The following MEOX2 variants were observed in gnomAD, a reference collection of about 807,000 sequenced individuals.
MEOX2 encodes homeobox protein MOX-2.
Under a neutral mutation model 27.0 loss-of-function variants are expected in MEOX2, and 11 were observed. The observed-to-expected ratio is 0.41, with a 90% CI of 0.26 to 0.68. MEOX2 has a LOEUF of 0.68. Among genes scored for constraint, MEOX2 ranks in the 30% least tolerant of loss-of-function variants. MEOX2 has a pLI of 0.33. For missense variants in MEOX2, 436 were observed against 385.4 expected, an observed-to-expected ratio of 1.13 and a Z score of -1.10; for synonymous variants, 189 against 155.4, an observed-to-expected ratio of 1.22 and a Z score of -1.61.
chr7:15,621,873 C>G (rs186859922), intron 2 of MEOX2, among the ~76,000 whole-genome samples: 2 of 152,296 alleles, frequency 1.3e-5, no homozygotes, highest in African/African-American at 4.8e-5. Flanking sequence ...AATCTCAGCA[C>G]TTTGGGAGGC....
At chr7:15,663,333 A>G (rs1781945584) in intron 1 of MEOX2, among the ~76,000 whole-genome samples, 2 of 151,612 alleles carry the variant, frequency 1.3e-5, no homozygotes, top group South Asian at 4.2e-4. Context: ...TTCTGTAGTA[A>G]TCTTTTTTTT....
At chr7:15,663,103 C>G (rs764301004) in intron 1 of MEOX2, among the ~76,000 whole-genome samples, 98 of 152,246 alleles carry the variant, frequency 6.4e-4, no homozygotes, top group Non-Finnish European at 1.0e-3. Context: ...ACTAGCGTCC[C>G]TACTGAAGTT....
intron 1 of MEOX2, among the ~76,000 whole-genome samples, chr7:15,683,669 G>T (rs942421800): frequency 6.6e-6 from 1 of 152,056 alleles, no homozygotes; most frequent in Non-Finnish European, 1.5e-5. Flanking sequence ...TATACCTTCA[G>T]CTGAAATTGG....
At chr7:15,645,322 G>C (rs891254201) in intron 1 of MEOX2, among the ~76,000 whole-genome samples, 6 of 152,186 alleles carry the variant, frequency 3.9e-5, no homozygotes, top group Non-Finnish European at 1.5e-5. Flanking sequence ...TTTTAATCAT[G>C]TGCATTACAT....
chr7:15,664,496 C>T (rs891617854), intron 1 of MEOX2, among the ~76,000 whole-genome samples: 5 of 152,244 alleles, frequency 3.3e-5, no homozygotes, highest in Non-Finnish European at 7.4e-5. Context: ...ACAACAAAAA[C>T]TCTCAGCAAT....
chr7:15,629,052 C>G (rs866936126), intron 1 of MEOX2, among the ~76,000 whole-genome samples: 3 of 152,150 alleles, frequency 2.0e-5, no homozygotes, highest in Middle Eastern at 6.8e-3. Flanking sequence ...TGGAAACTGA[C>G]AGTAAAGCCA....
At chr7:15,673,436 G>C (rs1374871078) in intron 1 of MEOX2, among the ~76,000 whole-genome samples, 3 of 151,906 alleles carry the variant, frequency 2.0e-5, no homozygotes, top group African/African-American at 7.3e-5. Flanking sequence ...AAATCTGGCA[G>C]GCGTCATAGA....
At chr7:15,626,715 A>G in intron 2 of MEOX2, 31 bp downstream of exon 2, 3 of 1,548,218 alleles carry the variant, frequency 1.9e-6, no homozygotes, top group Non-Finnish European at 2.7e-6. Flanking sequence ...GCAATTAAAA[A>G]AGATCATATA....
chr7:15,645,571 A>C (rs959136704), intron 1 of MEOX2, among the ~76,000 whole-genome samples: 5 of 152,172 alleles, frequency 3.3e-5, no homozygotes, highest in Non-Finnish European at 5.9e-5. Flanking sequence ...GAAATTACTT[A>C]AGGAATTTAC....
intron 2 of MEOX2, among the ~76,000 whole-genome samples, chr7:15,619,096 T>C (rs946773206): frequency 1.3e-5 from 2 of 152,034 alleles, no homozygotes; most frequent in African/African-American, 4.8e-5. Flanking sequence ...GGGTTTATTA[T>C]TGTATAGATG....
intron 1 of MEOX2, among the ~76,000 whole-genome samples, chr7:15,668,921 G>A (rs1326090502): frequency 6.6e-6 from 1 of 152,162 alleles, no homozygotes; most frequent in Non-Finnish European, 1.5e-5. Context: ...TAATAGGGAT[G>A]CTATACATAC....
At chr7:15,641,841 G>GA (rs1157185052) in intron 1 of MEOX2, among the ~76,000 whole-genome samples, 7 of 151,832 alleles carry the variant, frequency 4.6e-5, no homozygotes, top group Non-Finnish European at 8.8e-5. Flanking sequence ...TTGCTTGTTT[G>GA]AAAAAAATAT....
At chr7:15,637,095 T>C (rs1017600014) in intron 1 of MEOX2, among the ~76,000 whole-genome samples, 1 of 152,120 alleles carries the variant, frequency 6.6e-6, no homozygotes, top group Non-Finnish European at 1.5e-5. Flanking sequence ...GGGTAAATTA[T>C]ACTAGGAAAA....
At chr7:15,621,803 G>A (rs1307135583) in intron 2 of MEOX2, among the ~76,000 whole-genome samples, 1 of 152,058 alleles carries the variant, frequency 6.6e-6, no homozygotes, top group East Asian at 1.9e-4. Flanking sequence ...TTTCATTTAG[G>A]AGAAAATTAT....
chr7:15,666,536 A>G (rs1782006063), intron 1 of MEOX2, among the ~76,000 whole-genome samples: 1 of 151,734 alleles, frequency 6.6e-6, no homozygotes, highest in Non-Finnish European at 1.5e-5. Flanking sequence ...GGCAGATCAT[A>G]AGGTCAGGAG....
chr7:15,614,538 G>C (rs1352183990), intron 2 of MEOX2, among the ~76,000 whole-genome samples: 1 of 152,054 alleles, frequency 6.6e-6, no homozygotes, highest in East Asian at 1.9e-4. Flanking sequence ...CATTGTCCCA[G>C]GTCCATTTAT....
rs960584569 is a variant in MEOX2, at chr7:15,677,409, C to A, written c.517+8477G>T. 5 of 152,168 alleles carry A rather than the reference C, an allele frequency of 3.3e-5. No individual in the cohort carries two copies. In the East Asian group the frequency reaches 9.6e-4, roughly 29 times the overall value. The allele number at this position is 152,168 out of a possible 1,614,324, so 9.4% of individuals were successfully genotyped here. A position where few individuals can be genotyped will look rare whatever the true frequency, so the allele number is the denominator to read the frequency against. On this transcript the variant is annotated intron_variant, in intron 1 of 2. Coordinates refer to ENST00000262041, the MANE Select transcript of MEOX2 (RefSeq NM_005924.5). ...AGACACAGCGGGGGTTTAGCCCTAA[C>A]TATTGTGTTCTCCCAGATATGCTTG...
intron 1 of MEOX2, among the ~76,000 whole-genome samples, chr7:15,630,539 C>G (rs186140433): frequency 6.6e-6 from 1 of 152,062 alleles, no homozygotes. Flanking sequence ...TGTAAAATAT[C>G]AAAATGGAAT....
chr7:15,663,335 C>CTT (rs765508723), intron 1 of MEOX2, among the ~76,000 whole-genome samples: 2 of 143,044 alleles, frequency 1.4e-5, no homozygotes. Context: ...CTGTAGTAAT[C>CTT]TTTTTTTTTT....
Sources: gnomAD v4.1 joint callset for allele counts (sites outside exome capture counted in the v4.1 genomes callset) on GRCh38, gnomAD v4.1.1 for gene constraint, MANE v1.5 for transcripts, NCBI Gene and HGNC (gene_info 2026-07-23, HGNC 2026-07-21) for gene names.